PRRC2C: variants seen among roughly 807,000 people sequenced by gnomAD.
The protein encoded by PRRC2C is protein PRRC2C.
A neutral mutation model predicts 317.2 loss-of-function variants in PRRC2C; 72 were observed. The observed-to-expected ratio is 0.23, with a 90% confidence interval of 0.19 to 0.28. PRRC2C has a LOEUF of 0.28. Among genes scored for constraint, PRRC2C ranks in the 10% least tolerant of loss-of-function variants. The pLI, the probability that PRRC2C is intolerant of heterozygous loss-of-function variation, is 1.00. For missense variants in PRRC2C, 3,074 were observed against 3,459.7 expected, an observed-to-expected ratio of 0.89 and a Z score of 2.80; for synonymous variants, 1,296 against 1,205.9, an observed-to-expected ratio of 1.07 and a Z score of -1.55.
rs1195896108 is a variant in PRRC2C at position 171,532,636 on chromosome 1, G to A, written c.1548G>A (p.Glu516=). The A allele has an allele frequency of 5.2e-6, 8 of 1,551,760 alleles. No homozygotes were observed. The highest frequency in any genetic ancestry group is 2.4e-5 in the East Asian group (1 of 40,938). Residue 516 remains glutamate, a synonymous_variant, in exon 12 of 35, where the codon GAG becomes GAA. Coordinates refer to ENST00000647382, the MANE Select transcript of PRRC2C (RefSeq NM_001387844.1). ...AAAGGGAGCGAGAAAAAGAACGGGA[G>A]CGTGAGAAAGAACTTGAAAAAGAAC... ...IREREREKER[E]REKELEKEQE...
intron 18 of PRRC2C, among the ~76,000 whole-genome samples, chr1:171,552,685 T>C (rs1004555121): frequency 6.6e-6 from 1 of 152,346 alleles, no homozygotes; most frequent in Middle Eastern, 3.4e-3. Context: ...GCTATTGAAT[T>C]TTGTCGAAGG....
Position 171,523,929 on chromosome 1 carries a change from A to G in PRRC2C, c.1055+407A>G, listed in dbSNP as rs184360380. Among the ~76,000 whole-genome samples, 1,203 of 152,056 alleles carry G rather than the reference A, an allele frequency of 7.9e-3. 63 individuals are homozygous for G. The highest frequency in any genetic ancestry group is 0.072 in the Admixed American group (1,096 of 15,254). ...TGCATGCCTGTAATCCCAGCTACTC[A>G]GGAGGCTAAGGCAGGAGAATCACTT... On this transcript the variant is annotated intron_variant, in intron 9 of 34. Coordinates refer to ENST00000647382, the MANE Select transcript of PRRC2C (RefSeq NM_001387844.1).
Position 171,527,679 on chromosome 1 carries a change from C to T in PRRC2C, c.1201-112C>T, listed in dbSNP as rs556767088. 7.4e-5 allele frequency: 60 copies of T among 815,768 alleles called. No individual in the cohort carries two copies. The East Asian group carries it at 1.8e-3, about 25-fold the overall frequency. The allele number at this position is 815,768 out of a possible 1,614,324, so 50.5% of individuals were successfully genotyped here. Reference sequence around the variant, plus strand: ...GCTGAGGCATGAGAATTGCTTGGCCCCGGGAGACAGAGGTTGCAGTGAGCC... The same window carrying T: ...GCTGAGGCATGAGAATTGCTTGGCCTCGGGAGACAGAGGTTGCAGTGAGCC... On this transcript the variant is annotated intron_variant, in intron 10 of 34. Transcript: ENST00000647382.
At chr1:171,580,020 T>G in intron 28 of PRRC2C, 56 bp downstream of exon 28, 2 of 1,376,108 alleles carry the variant, frequency 1.5e-6, no homozygotes, top group Non-Finnish European at 1.9e-6. Context: ...TAACTGCTGA[T>G]CCTCCTTGCC....
In PRRC2C at chr1:171,566,162, T is replaced by C. The variant is rs1683618773; in HGVS notation, c.6118-71T>C. 7 of 1,261,094 alleles carry C rather than the reference T, an allele frequency of 5.6e-6. No homozygotes were observed. In the South Asian group the frequency reaches 9.9e-5, roughly 18 times the overall value. 78.1% of individuals were successfully genotyped at this position (1,261,094 alleles called of 1,614,324 possible). A position where few individuals can be genotyped will look rare whatever the true frequency, so the allele number is the denominator to read the frequency against. ...TAAACCTTCTATTGTACTTAAACTG[T>C]ATAGTGCTTCATAAATCAGTCACAT... On this transcript the variant is annotated intron_variant, in intron 20 of 34. Coordinates refer to ENST00000647382, the MANE Select transcript of PRRC2C (RefSeq NM_001387844.1).
chr1:171,524,719 C>G, intron 9 of PRRC2C, 102 bp from the exon 10 acceptor site: 1 of 1,212,086 alleles, frequency 8.3e-7, no homozygotes, highest in Non-Finnish European at 1.1e-6. Flanking sequence ...ACATTTCCCC[C>G]CCCAGAAACC....
chr1:171,486,529 G>A (rs1666152660), intron 1 of PRRC2C, among the ~76,000 whole-genome samples: 1 of 152,146 alleles, frequency 6.6e-6, no homozygotes, highest in Non-Finnish European at 1.5e-5. Context: ...CATGAGAGGA[G>A]TACCTTTAAT....
At chr1:171,491,460 A>G (rs1373127328) in intron 1 of PRRC2C, among the ~76,000 whole-genome samples, 1 of 152,210 alleles carries the variant, frequency 6.6e-6, no homozygotes, top group East Asian at 1.9e-4. Context: ...GCTCCTTGCC[A>G]AAAGTGTCTG....
intron 1 of PRRC2C, among the ~76,000 whole-genome samples, chr1:171,491,301 C>CTA (rs1260888844): frequency 6.6e-6 from 1 of 152,102 alleles, no homozygotes; most frequent in Non-Finnish European, 1.5e-5. Flanking sequence ...TACAGGGCTG[C>CTA]TATATATGGT....
intron 23 of PRRC2C, 99 bp from the exon 24 acceptor site, chr1:171,571,221 A>T: frequency 1.6e-6 from 1 of 606,068 alleles, no homozygotes; most frequent in Non-Finnish European, 2.9e-6. Flanking sequence ...CTCTGATGAA[A>T]AATAAACACT....
At position 171,541,514 on chromosome 1, in the gene PRRC2C, T is replaced by C. The variant is rs774288067; in HGVS notation, c.4048T>C (p.Phe1350Leu). The change falls in exon 16 of 35, where the codon TTC becomes CTC. Residue 1350 changes from phenylalanine to leucine, a missense_variant. This residue lies in a region of PRRC2C where 1,320 missense variants were observed against 1,395.7 expected (regional missense o/e 0.95). Coordinates refer to ENST00000647382, the MANE Select transcript of PRRC2C (RefSeq NM_001387844.1). This position sits in a 1 kb window ranked among gnomAD's most constrained non-coding sequence, Gnocchi z 4.1. ...TACAAGGAGAGGCAGAGGGGGAACA[T>C]TCAGGCGTGGTGGAAGGGATCCTGG... ...EPTRRGRGGT[F>L]RRGGRDPGGR... 5 of 1,613,566 alleles carry C rather than the reference T, an allele frequency of 3.1e-6. No individual in the cohort carries two copies. Among genetic ancestry groups the C allele is most frequent in the East Asian group, 4.5e-5 (2 of 44,828 alleles).
At chr1:171,528,779 A>G (rs563931717) in intron 11 of PRRC2C, among the ~76,000 whole-genome samples, 17 of 152,068 alleles carry the variant, frequency 1.1e-4, no homozygotes, top group Admixed American at 6.5e-4. Context: ...CAGCTGAGTC[A>G]TTGACATAGT....
In PRRC2C at chr1:171,557,370, C is replaced by T. The variant is rs375418164; in HGVS notation, c.5258C>T (p.Ser1753Leu). ...TCAGCCTCAGTTCCACCTCTAGCTTCGGCTCCACTTCCACCTTCAACCTCA... is the reference window on the plus strand; with the variant it reads ...TCAGCCTCAGTTCCACCTCTAGCTTTGGCTCCACTTCCACCTTCAACCTCA... The part of the protein sequence containing the change: ...QSSASVPPLA[S>L]APLPPSTSAS... Residue 1753 changes from serine to leucine, a missense_variant, in exon 19 of 35, where the codon TCG becomes TTG. Physicochemically the swap from Ser to Leu is moderately radical, Grantham distance 145. Transcript: ENST00000647382. 3.3e-5 allele frequency: 51 copies of T among 1,551,804 alleles called. 1 individual carries two copies. Among genetic ancestry groups the T allele is most frequent in the Middle Eastern group, 1.7e-4 (1 of 5,994 alleles).
At chr1:171,588,815 A>G (rs932934670) in intron 33 of PRRC2C, among the ~76,000 whole-genome samples, 5 of 152,054 alleles carry the variant, frequency 3.3e-5, no homozygotes, top group Non-Finnish European at 5.9e-5. Context: ...CAGTGCTTGA[A>G]GTTTTCTAGG....
At chr1:171,491,150 A>G (rs895129117) in intron 1 of PRRC2C, among the ~76,000 whole-genome samples, 1 of 152,232 alleles carries the variant, frequency 6.6e-6, no homozygotes, top group Non-Finnish European at 1.5e-5. Context: ...TACGTTCCCT[A>G]TAAGGTTGGA....
intron 33 of PRRC2C, among the ~76,000 whole-genome samples, chr1:171,589,062 A>G (rs971810295): frequency 5.3e-5 from 8 of 152,202 alleles, no homozygotes; most frequent in African/African-American, 1.9e-4. Flanking sequence ...CCTTTTCTGC[A>G]ACTACCTTTT....
intron 23 of PRRC2C, among the ~76,000 whole-genome samples, chr1:171,568,894 T>G (rs1029565308): frequency 1.3e-5 from 2 of 152,156 alleles, no homozygotes; most frequent in African/African-American, 4.8e-5. Flanking sequence ...TGCTCTAATA[T>G]AAGGTGATGT....
chr1:171,545,887 G>GTAGC (rs759530011), intron 17 of PRRC2C, among the ~76,000 whole-genome samples, 200 bp downstream of exon 17: 36 of 152,032 alleles, frequency 2.4e-4, no homozygotes, highest in Non-Finnish European at 4.7e-4. Context: ...AGCTTTTAGC[G>GTAGC]TAGCCTTGAA....
intron 23 of PRRC2C, among the ~76,000 whole-genome samples, chr1:171,569,313 T>A (rs1363424363): frequency 1.3e-5 from 2 of 151,888 alleles, no homozygotes; most frequent in Non-Finnish European, 2.9e-5. Context: ...CTTTATTATC[T>A]TCTTACTTTT....
Sources: allele counts gnomAD v4.1 joint callset (sites outside exome capture counted in the v4.1 genomes callset), GRCh38; gene constraint gnomAD v4.1.1; regional missense constraint gnomAD v4.1.1; non-coding constraint Gnocchi (gnomAD v3.1); transcripts MANE v1.5; gene names NCBI Gene and HGNC (gene_info 2026-07-23, HGNC 2026-07-21).